CCDC57: variants seen among roughly 807,000 people sequenced by gnomAD.
CCDC57 encodes coiled-coil domain-containing protein 57.
In CCDC57, 118 loss-of-function variants were observed where a neutral mutation model predicts 118.9. The ratio of observed to expected loss-of-function variants is 0.99; its 90% CI spans 0.86 to 1.16. CCDC57 has a LOEUF of 1.16. Ranked by LOEUF, CCDC57 falls within the 50% of genes most tolerant of loss-of-function variation. CCDC57 has a pLI of 0.00. For synonymous variants in CCDC57, 527 were observed against 532.9 expected (o/e 0.99, Z 0.15); for missense variants, 1,300 against 1,320.7 (o/e 0.98, Z 0.24).
Position 82,152,563 on chromosome 17 carries a change from C to T in CCDC57, c.2242-790G>A, listed in dbSNP as rs997864355. On this transcript the variant is annotated intron_variant, in intron 15 of 19. Transcript: ENST00000665763. Reference sequence around the variant, plus strand: ...CACATCATTCCAGTGCTACAGAGTGCAATCCCAACACAAAGGGATGCCTGG... The same window carrying T: ...CACATCATTCCAGTGCTACAGAGTGTAATCCCAACACAAAGGGATGCCTGG... Among the ~76,000 whole-genome samples, 5 of 152,370 alleles carry T rather than the reference C, an allele frequency of 3.3e-5. No individual in the cohort carries two copies. The East Asian group carries it at 9.6e-4, about 29-fold the overall frequency.
chr17:82,194,878 G>A (rs1013252752), intron 5 of CCDC57, among the ~76,000 whole-genome samples: 11 of 152,380 alleles, frequency 7.2e-5, no homozygotes, highest in African/African-American at 1.9e-4. Flanking sequence ...GGGTGGTGAC[G>A]ATGGCTGCTG....
intron 19 of CCDC57, among the ~76,000 whole-genome samples, chr17:82,102,821 G>A (rs9896144): frequency 0.22 from 34,049 of 151,508 alleles, 4,015 homozygotes; most frequent in African/African-American, 0.28. Context: ...GGAGGCAGAG[G>A]TTGCAGTGAG....
At chr17:82,179,772 C>T (rs1243652912) in intron 9 of CCDC57, among the ~76,000 whole-genome samples, 1 of 152,202 alleles carries the variant, frequency 6.6e-6, no homozygotes, top group African/African-American at 2.4e-5. Flanking sequence ...GGCAGGTCCA[C>T]CAGGACAGAG....
At position 82,196,390 on chromosome 17, in the gene CCDC57, C is replaced by T. The variant is rs535255515; in HGVS notation, c.517-1026G>A. 5.9e-5 allele frequency among the ~76,000 whole-genome samples: 9 copies of T among 152,346 alleles called. No homozygotes were observed. In the East Asian group the frequency reaches 1.5e-3, roughly 26 times the overall value. ...TTTCTGAGAATTCCAAGAGAAAGTC[C>T]TCTGCAGGCCATTTCAGAAGCAGCC... is the stretch of plus-strand genomic sequence containing the variant. On this transcript the variant is annotated intron_variant, in intron 4 of 19. Coordinates refer to ENST00000665763, the Ensembl canonical transcript of CCDC57.
chr17:82,171,123 C>T (rs1040357291), intron 13 of CCDC57, among the ~76,000 whole-genome samples: 7 of 137,242 alleles, frequency 5.1e-5, no homozygotes, highest in South Asian at 2.5e-4. Flanking sequence ...AAACAGGGAG[C>T]GCTGACTGCA....
intron 19 of CCDC57, chr17:82,113,680 C>G: frequency 1.4e-6 from 1 of 716,304 alleles, no homozygotes; most frequent in Non-Finnish European, 2.6e-6. Context: ...CACCTGTCAT[C>G]TCAGCACTTT....
chr17:82,137,286 G>T (rs2039345390), intron 16 of CCDC57, among the ~76,000 whole-genome samples: 1 of 152,242 alleles, frequency 6.6e-6, no homozygotes, highest in Non-Finnish European at 1.5e-5. Context: ...CTCCCGAAGT[G>T]CTGGGATTAC....
At chr17:82,178,699 T>C in intron 10 of CCDC57, 94 bp from the exon 10 acceptor site, 1 of 1,513,488 alleles carries the variant, frequency 6.6e-7, no homozygotes, top group East Asian at 2.3e-5. Flanking sequence ...TGGGAGATGC[T>C]CAGAGCACCA....
intron 18 of CCDC57, 80 bp downstream of exon 17, chr17:82,128,413 G>T: frequency 1.1e-6 from 1 of 949,962 alleles, no homozygotes; most frequent in Non-Finnish European, 1.6e-6. Flanking sequence ...CCCTCCGAGA[G>T]GCCCAGAGCA....
intron 1 of CCDC57, among the ~76,000 whole-genome samples, chr17:82,211,910 GC>G (rs1488955845): frequency 3.3e-5 from 5 of 152,236 alleles, no homozygotes; most frequent in Middle Eastern, 3.4e-3. Flanking sequence ...GATAATTTAA[GC>G]CCCTGTACCT....
At chr17:82,113,513 C>G in intron 19 of CCDC57, 1 of 717,560 alleles carries the variant, frequency 1.4e-6, no homozygotes, top group South Asian at 1.5e-5. Context: ...TGATGGTGAC[C>G]AGTGAGGCCC....
At chr17:82,154,002 C>G (rs1018866855) in intron 15 of CCDC57, 1 of 152,606 alleles carries the variant, frequency 6.6e-6, no homozygotes, top group African/African-American at 2.4e-5. Flanking sequence ...CCCCACACAG[C>G]CACTCCAACG....
chr17:82,182,745 G>A (rs2146480529), intron 9 of CCDC57, among the ~76,000 whole-genome samples: 2 of 151,848 alleles, frequency 1.3e-5, no homozygotes, highest in South Asian at 4.2e-4. Context: ...GAATGCAGTG[G>A]CACGATCTGG....
intron 13 of CCDC57, among the ~76,000 whole-genome samples, chr17:82,164,045 C>T (rs1278509129): frequency 6.6e-6 from 1 of 151,670 alleles, no homozygotes; most frequent in African/African-American, 2.4e-5. Flanking sequence ...GTCACACACA[C>T]ACACAGAAAA....
intron 16 of CCDC57, among the ~76,000 whole-genome samples, chr17:82,141,456 G>A (rs1043041605): frequency 1.3e-5 from 2 of 152,222 alleles, no homozygotes; most frequent in African/African-American, 4.8e-5. Context: ...AAAGTGTTGG[G>A]ATTACAGGCG....
intron 15 of CCDC57, chr17:82,157,012 C>T (rs545397713): frequency 6.6e-6 from 1 of 152,542 alleles, no homozygotes; most frequent in Non-Finnish European, 1.5e-5. Flanking sequence ...TAGGTTACCA[C>T]AGGTCATAGG....
At chr17:82,152,874 C>T (rs10163485) in intron 15 of CCDC57, among the ~76,000 whole-genome samples, 71,193 of 152,126 alleles carry the variant, frequency 0.47, 17,475 homozygotes, top group East Asian at 0.88. Context: ...GGGCATGTGC[C>T]GCAGGTTCAT....
chr17:82,101,694 GTTGTAGT>G lies in CCDC57; in HGVS notation c.3065_3071del (p.Asn1022ThrfsTer?), dbSNP rs2034462876. 2 of 1,606,446 alleles carry G rather than the reference GTTGTAGT, an allele frequency of 1.2e-6. No individual in the cohort carries two copies. Among genetic ancestry groups the G allele is most frequent in the African/African-American group, 2.7e-5 (2 of 74,464 alleles). ...TGGGGGGAGGAAGTCAGTCCATAAT[GTTGTAGT>G]TACGGATCTTGGGGGGCCTCTGGCA... On this transcript the variant is annotated frameshift_variant, in exon 20 of 20. Coordinates refer to ENST00000665763, the Ensembl canonical transcript of CCDC57. LOFTEE classifies it high-confidence loss of function.
At chr17:82,146,215 G>T (rs936988052) in intron 16 of CCDC57, among the ~76,000 whole-genome samples, 1 of 152,164 alleles carries the variant, frequency 6.6e-6, no homozygotes, top group East Asian at 1.9e-4. Context: ...GTCCCACGTT[G>T]AATAATGATG....
Sources: allele counts gnomAD v4.1 joint callset (sites outside exome capture counted in the v4.1 genomes callset), GRCh38; gene constraint gnomAD v4.1.1; transcripts MANE v1.5; gene names NCBI Gene and HGNC (gene_info 2026-07-23, HGNC 2026-07-21).